SNX27: variants seen among roughly 807,000 people sequenced by gnomAD.
The protein encoded by SNX27 is sorting nexin 27, also known as sorting nexin-27.
SNX27 carries 22 observed loss-of-function variants against 71.6 expected under a neutral mutation model. The ratio of observed to expected loss-of-function variants is 0.31; its 90% CI spans 0.22 to 0.44. The LOEUF (loss-of-function observed/expected upper bound fraction) is 0.44. Among genes scored for constraint, SNX27 ranks in the 20% least tolerant of loss-of-function variants. The pLI, the probability that SNX27 is intolerant of heterozygous loss-of-function variation, is 1.00. For missense variants in SNX27, 531 were observed against 698.6 expected (o/e 0.76, Z 2.70); for synonymous variants, 269 against 277.2 (o/e 0.97, Z 0.29).
chr1:151,651,655 A>G (rs924117861), intron 2 of SNX27, among the ~76,000 whole-genome samples: 7 of 151,696 alleles, frequency 4.6e-5, no homozygotes, highest in African/African-American at 1.7e-4. Context: ...GTGGCCGGGC[A>G]GAGATGCTCC....
Position 151,626,479 on chromosome 1 carries a change from T to G in SNX27, c.312-12409T>G, listed in dbSNP as rs914964715. 7.9e-5 allele frequency among the ~76,000 whole-genome samples: 12 copies of G among 152,208 alleles called. No homozygotes were observed. The East Asian group carries it at 1.4e-3, about 17-fold the overall frequency. On this transcript the variant is annotated intron_variant, in intron 1 of 11. Transcript: ENST00000458013. ...AAAAATCAGGAAGAGAATACTGTTT[T>G]ATCATGAGATTCAAGAGATCAAGAC... is the stretch of plus-strand genomic sequence containing the variant.
Position 151,668,628 on chromosome 1 carries a change from T to G in SNX27, c.1142T>G (p.Phe381Cys). Residue 381 changes from phenylalanine to cysteine, a missense_variant, in exon 7 of 12, where the codon TTT becomes TGT. Phe to Cys is a radical substitution (Grantham distance 205). Transcript: ENST00000458013. ...NDNDLAVTYFFHQAVDDVKKG... is the reference protein window; with the variant it reads ...NDNDLAVTYFCHQAVDDVKKG... ...AATGACCTTGCTGTTACCTACTTCT[T>G]TCATCAGGTAGGTGAATTGATCTTC... 6.2e-7 allele frequency: 1 copy of G among 1,611,752 alleles called. No homozygotes were observed. Among genetic ancestry groups the G allele is most frequent in the Non-Finnish European group, 8.5e-7 (1 of 1,179,300 alleles).
chr1:151,614,105 G>C (rs1430163334), intron 1 of SNX27: 2 of 150,088 alleles, frequency 1.3e-5, no homozygotes, highest in South Asian at 4.2e-4. Context: ...TAACTCCATG[G>C]TGTCCACTCA....
chr1:151,668,386 A>T (rs1383981079), intron 6 of SNX27, 86 bp from the exon 7 acceptor site: 3 of 1,250,998 alleles, frequency 2.4e-6, no homozygotes, highest in Non-Finnish European at 3.3e-6. Flanking sequence ...ATAACATACC[A>T]TTCTTGATCT....
rs1398220159 is a variant in SNX27 at position 151,637,876 on chromosome 1, T to TA, written c.312-1011dup. Among the ~76,000 whole-genome samples the TA allele has an allele frequency of 2.0e-5, 3 of 152,158 alleles. No individual in the cohort carries two copies. In the East Asian group the frequency reaches 5.8e-4, roughly 29 times the overall value. On this transcript the variant is annotated intron_variant, in intron 1 of 11. Transcript: ENST00000458013. ...TGAAAAAGAATTTAACTCTAAAGGG[T>TA]AGATAAGCTTTAAATGTTAAATTGA... is the stretch of plus-strand genomic sequence containing the variant.
At position 151,667,390 on chromosome 1, in the gene SNX27, T is replaced by A. The variant is rs538947107; in HGVS notation, c.986-1082T>A. ...AGTAACATTACTCAGAAGACAGTTTTCAGTTTGAGGAATGCTGTAGGATTT... is the reference window on the plus strand; with the variant it reads ...AGTAACATTACTCAGAAGACAGTTTACAGTTTGAGGAATGCTGTAGGATTT... On this transcript the variant is annotated intron_variant, in intron 6 of 11. Transcript: ENST00000458013. 2.6e-5 allele frequency among the ~76,000 whole-genome samples: 4 copies of A among 152,216 alleles called. No individual in the cohort carries two copies. The South Asian group carries it at 8.3e-4, about 32-fold the overall frequency.
intron 1 of SNX27, among the ~76,000 whole-genome samples, chr1:151,621,084 TA>T (rs1164264119): frequency 6.6e-6 from 1 of 152,220 alleles, no homozygotes; most frequent in African/African-American, 2.4e-5. Context: ...AATGTGGTAC[TA>T]AAGTTTACAC....
At chr1:151,677,320 GT>G (rs1270502160) in intron 7 of SNX27, 1 of 152,060 alleles carries the variant, frequency 6.6e-6, no homozygotes, top group Non-Finnish European at 1.5e-5. Flanking sequence ...GTGGTTTTAT[GT>G]TTTATCAATG....
chr1:151,668,864 AT>A, intron 7 of SNX27, among the ~76,000 whole-genome samples: 1 of 152,270 alleles, frequency 6.6e-6, no homozygotes, highest in Non-Finnish European at 1.5e-5. Flanking sequence ...GTATTCTAAT[AT>A]TTTTAAACAA....
In SNX27 at chr1:151,683,459, C is replaced by A; in HGVS notation, c.1239+14C>A. 6.3e-7 allele frequency: 1 copy of A among 1,591,950 alleles called. No individual in the cohort carries two copies. Among genetic ancestry groups the A allele is most frequent in the Non-Finnish European group, 8.6e-7 (1 of 1,164,582 alleles). ...AAAATGGTCATGGTAAGTTTATGTCCCCATAATCCCTTTAAAAATGCCCCT... is the reference window on the plus strand; with the variant it reads ...AAAATGGTCATGGTAAGTTTATGTCACCATAATCCCTTTAAAAATGCCCCT... On this transcript the variant is annotated intron_variant, in intron 8 of 11. Coordinates refer to ENST00000458013, the MANE Select transcript of SNX27 (RefSeq NM_001330723.2).
At chr1:151,681,395 C>G (rs1440372538) in intron 7 of SNX27, among the ~76,000 whole-genome samples, 1 of 151,618 alleles carries the variant, frequency 6.6e-6, no homozygotes, top group African/African-American at 2.4e-5. Context: ...GCGCCTGCCA[C>G]CTCTCCCCGG....
chr1:151,621,329 C>G (rs1667664873), intron 1 of SNX27, among the ~76,000 whole-genome samples: 2 of 152,184 alleles, frequency 1.3e-5, no homozygotes, highest in Admixed American at 1.3e-4. Flanking sequence ...GGAAATGTGC[C>G]TTTCTGCAAG....
intron 2 of SNX27, among the ~76,000 whole-genome samples, chr1:151,652,084 G>A (rs1202829039): frequency 2.6e-5 from 4 of 152,082 alleles, no homozygotes; most frequent in Non-Finnish European, 5.9e-5. Flanking sequence ...GCAGGCACTC[G>A]GCAGGCTGAG....
chr1:151,635,811 T>C (rs1160196861), intron 1 of SNX27, among the ~76,000 whole-genome samples: 1 of 152,164 alleles, frequency 6.6e-6, no homozygotes, highest in African/African-American at 2.4e-5. Flanking sequence ...TTTTTGGAAT[T>C]ATAGTCAATC....
intron 9 of SNX27, 104 bp downstream of exon 9, chr1:151,692,688 C>G (rs913509055): frequency 3.2e-5 from 48 of 1,506,632 alleles, no homozygotes; most frequent in Admixed American, 1.2e-4. Context: ...GAAATCAAAA[C>G]TGTATTTTGA....
intron 7 of SNX27, chr1:151,669,018 A>C: frequency 6.4e-6 from 1 of 156,036 alleles, no homozygotes; most frequent in Non-Finnish European, 1.4e-5. Context: ...ATCTCCCCCC[A>C]TAGGCAACCA....
intron 3 of SNX27, chr1:151,660,579 T>G (rs1669919004): frequency 4.1e-6 from 2 of 483,318 alleles, no homozygotes; most frequent in South Asian, 5.6e-5. Context: ...AGCTACATCT[T>G]TGTATTTTCT....
intron 1 of SNX27, among the ~76,000 whole-genome samples, chr1:151,631,247 A>G (rs183441902): frequency 6.6e-6 from 1 of 152,356 alleles, no homozygotes; most frequent in African/African-American, 2.4e-5. Flanking sequence ...TGAAAAGTCA[A>G]AGGAAGTGTC....
At chr1:151,661,046 A>G (rs1669947154) in intron 4 of SNX27, 184 bp downstream of exon 4, 1 of 527,140 alleles carries the variant, frequency 1.9e-6, no homozygotes, top group Non-Finnish European at 3.4e-6. Flanking sequence ...TTCTCTTTGA[A>G]GTGCCAGGCC....
Sources: gnomAD v4.1 joint callset for allele counts (sites outside exome capture counted in the v4.1 genomes callset) on GRCh38, gnomAD v4.1.1 for gene constraint, MANE v1.5 for transcripts, NCBI Gene and HGNC (gene_info 2026-07-23, HGNC 2026-07-21) for gene names.